Variants in SAMD5 observed in about 807,000 individuals in gnomAD.
The protein encoded by SAMD5 is sterile alpha motif domain containing 5.
In SAMD5, 13 loss-of-function variants were observed where a neutral mutation model predicts 11.3. That is an observed-to-expected ratio of 1.15 (90% CI 0.75 to 1.83). The LOEUF (loss-of-function observed/expected upper bound fraction) is 1.83. Ranked by LOEUF, SAMD5 falls within the 40% of genes most tolerant of loss-of-function variation. SAMD5 has a pLI of 0.00. For synonymous variants in SAMD5, 129 were observed against 111.3 expected, an observed-to-expected ratio of 1.16 and a Z score of -1.00; for missense variants, 255 against 239.1, an observed-to-expected ratio of 1.07 and a Z score of -0.44.
chr6:147,836,504 ACAT>A, the SAMD5 span, among the ~76,000 whole-genome samples: 4 of 152,178 alleles, frequency 2.6e-5, no homozygotes, highest in Non-Finnish European at 1.5e-5. Context: ...CAGAACACTT[ACAT>A]TAGCCTACAG....
chr6:147,926,012 T>C, the SAMD5 span, among the ~76,000 whole-genome samples: 2 of 152,354 alleles, frequency 1.3e-5, no homozygotes, highest in East Asian at 3.9e-4. Context: ...GCAAAAAACA[T>C]GATCTTGTTC....
At position 147,568,766 on chromosome 6, in the gene SAMD5, A is replaced by T; in HGVS notation, c.*4310A>T. The stretch of plus-strand genomic sequence containing the variant: ...GTCATCAATTACATATTCCTACATC[A>T]GATATTTTACACTATCAGATTCTTT... On this transcript the variant is annotated 3_prime_UTR_variant, in exon 2 of 2. Coordinates refer to ENST00000367474, the MANE Select transcript of SAMD5 (RefSeq NM_001030060.3). The T allele has an allele frequency of 1.0e-6, 1 of 970,966 alleles. No individual in the cohort carries two copies. The highest frequency in any genetic ancestry group is 1.2e-6 in the Non-Finnish European group (1 of 816,768). The allele number at this position is 970,966 out of a possible 1,614,324, so 60.1% of individuals were successfully genotyped here.
At chr6:147,613,494 A>C (rs1487634005) in intron 1 of SAMD5, among the ~76,000 whole-genome samples, 1 of 151,834 alleles carries the variant, frequency 6.6e-6, no homozygotes, top group Non-Finnish European at 1.5e-5. Context: ...CCACCTTGAG[A>C]CCACTCTTTT....
downstream of SAMD5, chr6:147,570,065 T>G (rs1329980718): frequency 2.1e-6 from 2 of 953,024 alleles, no homozygotes; most frequent in Non-Finnish European, 2.5e-6. Context: ...TCTTGATGAA[T>G]GTGATGGAGT....
the SAMD5 span, among the ~76,000 whole-genome samples, chr6:147,789,302 C>CACACAT: frequency 6.6e-6 from 1 of 150,948 alleles, no homozygotes; most frequent in East Asian, 1.9e-4. Flanking sequence ...CACACACACA[C>CACACAT]ACACACACAC....
At chr6:147,559,213 G>GGT (rs1188887343) in intron 1 of SAMD5, among the ~76,000 whole-genome samples, 1 of 152,190 alleles carries the variant, frequency 6.6e-6, no homozygotes, top group Non-Finnish European at 1.5e-5. Context: ...AGCCCTGTGG[G>GGT]GTGTTCTTTT....
the SAMD5 span, among the ~76,000 whole-genome samples, chr6:147,900,425 A>T: frequency 6.6e-6 from 1 of 152,174 alleles, no homozygotes; most frequent in Non-Finnish European, 1.5e-5. Context: ...TTTGCTGGAG[A>T]CGCAAAAGTG....
the SAMD5 span, among the ~76,000 whole-genome samples, chr6:147,889,460 TG>T: frequency 6.6e-6 from 1 of 152,246 alleles, no homozygotes; most frequent in Non-Finnish European, 1.5e-5. Flanking sequence ...GTGTTATTTC[TG>T]GGTCTGTTTT....
chr6:147,889,015 A>G, the SAMD5 span, among the ~76,000 whole-genome samples: 1 of 152,154 alleles, frequency 6.6e-6, no homozygotes, highest in Non-Finnish European at 1.5e-5. Flanking sequence ...CCTGTAGTCT[A>G]CAACTACAAA....
the SAMD5 span, among the ~76,000 whole-genome samples, chr6:147,901,873 G>T: frequency 2.0e-5 from 3 of 152,100 alleles, no homozygotes; most frequent in African/African-American, 4.8e-5. Context: ...CAATATCCCT[G>T]TTCCACTTCC....
the SAMD5 span, among the ~76,000 whole-genome samples, chr6:147,851,750 ATAAT>A: frequency 6.6e-6 from 1 of 152,210 alleles, no homozygotes; most frequent in African/African-American, 2.4e-5. Context: ...GTACTGATAG[ATAAT>A]TAAATAAGAT....
At chr6:147,638,903 G>A (rs1790270918) in intron 1 of SAMD5, among the ~76,000 whole-genome samples, 2 of 152,152 alleles carry the variant, frequency 1.3e-5, no homozygotes, top group South Asian at 4.1e-4. Context: ...TAATGACTTA[G>A]TAAGCTAGTG....
chr6:147,652,676 T>A (rs1326911766), intron 1 of SAMD5, among the ~76,000 whole-genome samples: 1 of 152,222 alleles, frequency 6.6e-6, no homozygotes, highest in African/African-American at 2.4e-5. Flanking sequence ...TGGGCTAGAT[T>A]GTTTTTAAAG....
At chr6:147,649,083 C>T (rs986954327) in intron 1 of SAMD5, among the ~76,000 whole-genome samples, 5 of 152,142 alleles carry the variant, frequency 3.3e-5, no homozygotes, top group African/African-American at 9.7e-5. Flanking sequence ...TTCCATATGC[C>T]GTTACTGTTT....
At chr6:147,740,792 TA>T (rs1791869512), downstream of SAMD5, among the ~76,000 whole-genome samples, 1 of 152,220 alleles carries the variant, frequency 6.6e-6, no homozygotes, top group Admixed American at 6.5e-5. Context: ...ATGAATTGCA[TA>T]ATGTACCATG....
At chr6:147,731,389 C>T (rs1261192617) in intron 1 of SAMD5, among the ~76,000 whole-genome samples, 5 of 152,240 alleles carry the variant, frequency 3.3e-5, no homozygotes, top group South Asian at 2.1e-4. Flanking sequence ...TATAGAAATG[C>T]TTCTGTATTC....
At chr6:147,761,293 T>C in the SAMD5 span, among the ~76,000 whole-genome samples, 1 of 152,202 alleles carries the variant, frequency 6.6e-6, no homozygotes, top group Non-Finnish European at 1.5e-5. Context: ...GTTAAATTTT[T>C]TCAATGTCGT....
chr6:147,601,793 A>T (rs148825219), intron 1 of SAMD5, among the ~76,000 whole-genome samples: 12 of 152,356 alleles, frequency 7.9e-5, no homozygotes, highest in African/African-American at 2.2e-4. Flanking sequence ...GTCGACCCAT[A>T]GATTTAAAAC....
At chr6:147,882,704 G>T in the SAMD5 span, among the ~76,000 whole-genome samples, 1 of 152,206 alleles carries the variant, frequency 6.6e-6, no homozygotes, top group Admixed American at 6.5e-5. Context: ...CTAATGTCAG[G>T]TAAGCCATGC....
Sources: allele counts gnomAD v4.1 joint callset (sites outside exome capture counted in the v4.1 genomes callset), GRCh38; gene constraint gnomAD v4.1.1; transcripts MANE v1.5; gene names NCBI Gene and HGNC (gene_info 2026-07-23, HGNC 2026-07-21).